PARP8: variants seen among roughly 807,000 people sequenced by gnomAD.
PARP8 encodes the protein protein mono-ADP-ribosyltransferase PARP8.
In PARP8, 51 loss-of-function variants were observed where a neutral mutation model predicts 124.1. The ratio of observed to expected loss-of-function variants is 0.41; its 90% CI spans 0.33 to 0.52. PARP8 has a LOEUF of 0.52. Among genes scored for constraint, PARP8 ranks in the 20% least tolerant of loss-of-function variants. The pLI is 0.21. For missense variants in PARP8, 860 were observed against 1,018.9 expected, an observed-to-expected ratio of 0.84 and a Z score of 2.12; for synonymous variants, 391 against 361.5, an observed-to-expected ratio of 1.08 and a Z score of -0.93.
intron 2 of PARP8, among the ~76,000 whole-genome samples, chr5:50,704,119 G>A (rs1753880799): frequency 6.6e-6 from 1 of 152,072 alleles, no homozygotes; most frequent in Non-Finnish European, 1.5e-5. Flanking sequence ...TCCAGCTTGT[G>A]CACTAGCAGA....
chr5:50,794,843 A>G lies in PARP8; in HGVS notation c.864-10A>G. ...ATTTGCCCTGTAGTAATTGTTGTTC[A>G]ATTTTGAAGGTCGCCAAGTTATCCT... On this transcript the variant is annotated splice_polypyrimidine_tract_variant and intron_variant, in intron 11 of 25. Coordinates refer to ENST00000281631, the MANE Select transcript of PARP8 (RefSeq NM_024615.4). 1 of 1,606,640 alleles carries G rather than the reference A, an allele frequency of 6.2e-7. No homozygotes were observed.
At chr5:50,775,683 T>G (rs1376857567) in intron 7 of PARP8, among the ~76,000 whole-genome samples, 1 of 152,236 alleles carries the variant, frequency 6.6e-6, no homozygotes, top group African/African-American at 2.4e-5. Context: ...GTTTTTTCAT[T>G]TATTTTTCAG....
chr5:50,818,913 G>C (rs11954177), intron 15 of PARP8, among the ~76,000 whole-genome samples: 3,720 of 152,274 alleles, frequency 0.024, 90 homozygotes, highest in Non-Finnish European at 0.039. Flanking sequence ...TGACCGGGGG[G>C]ACTGGACCCC....
At chr5:50,830,816 A>ATG (rs1554070752) in intron 22 of PARP8, among the ~76,000 whole-genome samples, 2 of 117,642 alleles carry the variant, frequency 1.7e-5, no homozygotes, top group South Asian at 6.4e-4. Context: ...TTGTGTGCTC[A>ATG]TGCGTGTGTG....
chr5:50,678,858 C>T (rs1750945478), intron 2 of PARP8, among the ~76,000 whole-genome samples: 1 of 152,104 alleles, frequency 6.6e-6, no homozygotes, highest in Non-Finnish European at 1.5e-5. Context: ...TGACAGAAGT[C>T]AGTGTTTGTT....
chr5:50,749,728 T>C (rs1006798379), intron 2 of PARP8, among the ~76,000 whole-genome samples: 2 of 152,136 alleles, frequency 1.3e-5, no homozygotes, highest in African/African-American at 4.8e-5. Flanking sequence ...CTTCATATTT[T>C]GGGGAAACTA....
At chr5:50,725,720 G>A (rs1188615016) in intron 2 of PARP8, among the ~76,000 whole-genome samples, 2 of 152,116 alleles carry the variant, frequency 1.3e-5, no homozygotes, top group Non-Finnish European at 1.5e-5. Flanking sequence ...TACAACACTT[G>A]TGCTCAGGCA....
chr5:50,747,874 G>A (rs1327817559), intron 2 of PARP8, among the ~76,000 whole-genome samples: 49 of 139,280 alleles, frequency 3.5e-4, no homozygotes, highest in Admixed American at 7.3e-4. Context: ...CCGGGTTCAC[G>A]CCATTCTCCT....
intron 2 of PARP8, among the ~76,000 whole-genome samples, chr5:50,728,837 A>T (rs1486613942): frequency 7.2e-5 from 11 of 152,148 alleles, no homozygotes; most frequent in Non-Finnish European, 1.3e-4. Context: ...ATTGTATAAT[A>T]AATATTTTAG....
At chr5:50,832,922 G>A in intron 23 of PARP8, 68 bp downstream of exon 23, 1 of 1,425,150 alleles carries the variant, frequency 7.0e-7, no homozygotes. Context: ...GCAGAGCATG[G>A]AAAAATAGGC....
chr5:50,716,814 A>G (rs1755367235), intron 2 of PARP8, among the ~76,000 whole-genome samples: 1 of 152,110 alleles, frequency 6.6e-6, no homozygotes, highest in Non-Finnish European at 1.5e-5. Context: ...TCTCAGATTA[A>G]AAGAGTGCTA....
Position 50,747,137 on chromosome 5 carries a change from TA to T in PARP8, c.147-3013del, listed in dbSNP as rs1758625826. 9.3e-5 allele frequency among the ~76,000 whole-genome samples: 12 copies of T among 128,968 alleles called. 1 individual carries two copies. Among genetic ancestry groups the T allele is most frequent in the African/African-American group, 3.6e-4 (12 of 33,718 alleles). The allele number at this position is 128,968 out of a possible 152,430, so 84.6% of individuals were successfully genotyped here. A position where few individuals can be genotyped will look rare whatever the true frequency, so the allele number is the denominator to read the frequency against. On this transcript the variant is annotated intron_variant, in intron 2 of 25. Coordinates refer to ENST00000281631, the MANE Select transcript of PARP8 (RefSeq NM_024615.4). Reference sequence around the variant, plus strand: ...TTTTCTACTCATCTACTTATTCAGTTATGGTTTTTTTTGTTTGTTTGTTTTG... The same window carrying T: ...TTTTCTACTCATCTACTTATTCAGTTTGGTTTTTTTTGTTTGTTTGTTTTG...
intron 15 of PARP8, among the ~76,000 whole-genome samples, chr5:50,817,735 C>T (rs1400996909): frequency 6.6e-6 from 1 of 152,090 alleles, no homozygotes; most frequent in Non-Finnish European, 1.5e-5. Flanking sequence ...TTTTAGACTA[C>T]ATTGTATACC....
At chr5:50,751,564 A>G (rs2149554766) in intron 3 of PARP8, among the ~76,000 whole-genome samples, 1 of 152,260 alleles carries the variant, frequency 6.6e-6, no homozygotes, top group African/African-American at 2.4e-5. Flanking sequence ...TAACCAGTAT[A>G]TCAAAATACA....
In PARP8 at chr5:50,828,363, T is replaced by A; in HGVS notation, c.2142T>A (p.Val714=). The A allele has an allele frequency of 6.2e-7, 1 of 1,613,498 alleles. No individual in the cohort carries two copies. Among genetic ancestry groups the A allele is most frequent in the Non-Finnish European group, 8.5e-7 (1 of 1,179,524 alleles). ...WHSILRNGLV[V]ASNTRLQLHG... ...CCATCCTGAGGAATGGTCTGGTTGT[T>A]GCTTCTAATACACGATTGCAGGTAG... The change falls in exon 21 of 26, where the codon GTT becomes GTA. Residue 714 remains valine, a synonymous_variant. Transcript: ENST00000281631.
chr5:50,752,136 A>G (rs879381646), intron 3 of PARP8, among the ~76,000 whole-genome samples: 6 of 152,032 alleles, frequency 3.9e-5, no homozygotes, highest in Non-Finnish European at 7.4e-5. Flanking sequence ...AAAAAAATGA[A>G]TATTAAATCT....
chr5:50,704,970 C>T (rs1426034410), intron 2 of PARP8, among the ~76,000 whole-genome samples: 1 of 152,102 alleles, frequency 6.6e-6, no homozygotes, highest in East Asian at 1.9e-4. Flanking sequence ...GATTTACTTC[C>T]TTGTAAAGCA....
intron 2 of PARP8, among the ~76,000 whole-genome samples, chr5:50,747,835 C>G (rs1319187923): frequency 1.5e-5 from 2 of 131,664 alleles, no homozygotes; most frequent in African/African-American, 5.7e-5. Flanking sequence ...TGCAGTGGCG[C>G]GATCTCGGCT....
Position 50,842,072 on chromosome 5 carries a change from A to T in PARP8, c.*4A>T. On this transcript the variant is annotated 3_prime_UTR_variant, in exon 26 of 26. Coordinates refer to ENST00000281631, the MANE Select transcript of PARP8 (RefSeq NM_024615.4). ...TAATCAAACTGCTACTGGTTAAAGGACCACCATTTAATTAACATGATTCGA... is the reference window on the plus strand; with the variant it reads ...TAATCAAACTGCTACTGGTTAAAGGTCCACCATTTAATTAACATGATTCGA... 1 of 1,572,536 alleles carries T rather than the reference A, an allele frequency of 6.4e-7. No homozygotes were observed. Among genetic ancestry groups the T allele is most frequent in the Non-Finnish European group, 8.7e-7 (1 of 1,149,356 alleles).
Sources: gnomAD v4.1 joint callset for allele counts (sites outside exome capture counted in the v4.1 genomes callset) on GRCh38, gnomAD v4.1.1 for gene constraint, MANE v1.5 for transcripts, NCBI Gene and HGNC (gene_info 2026-07-23, HGNC 2026-07-21) for gene names.